PHACTR2: variants seen among roughly 807,000 people sequenced by gnomAD.
PHACTR2 encodes chromosome 6 open reading frame 56.
Under a neutral mutation model 76.0 loss-of-function variants are expected in PHACTR2, and 30 were observed. That is an observed-to-expected ratio of 0.39 (90% confidence interval 0.30 to 0.54). The LOEUF (loss-of-function observed/expected upper bound fraction) is 0.54, where lower values mean the gene tolerates loss of function less well. PHACTR2 is among the 20% of genes least tolerant of loss of function. The pLI is 0.61. For synonymous variants in PHACTR2, 292 were observed against 292.5 expected, an observed-to-expected ratio of 1.00 and a Z score of 0.02; for missense variants, 696 against 781.1, an observed-to-expected ratio of 0.89 and a Z score of 1.30.
At chr6:143,796,464 A>C (rs188782439) in intron 11 of PHACTR2, among the ~76,000 whole-genome samples, 75 of 150,960 alleles carry the variant, frequency 5.0e-4, no homozygotes, top group African/African-American at 1.8e-3. Flanking sequence ...CAGAACGTGT[A>C]GGTTTGTTAC....
chr6:143,785,486 G>C (rs1372391337), intron 10 of PHACTR2, among the ~76,000 whole-genome samples: 1 of 152,128 alleles, frequency 6.6e-6, no homozygotes, highest in Non-Finnish European at 1.5e-5. Flanking sequence ...CTAGACACAT[G>C]GTGCATGCTG....
chr6:143,690,254 C>T (rs1777614252), intron 1 of PHACTR2, among the ~76,000 whole-genome samples: 1 of 152,224 alleles, frequency 6.6e-6, no homozygotes, highest in Non-Finnish European at 1.5e-5. Context: ...TCTTTAAGAG[C>T]TTCATACATA....
Position 143,541,885 on chromosome 6 carries a change from T to C in PHACTR2, c.217+4678T>C, listed in dbSNP as rs577009683. Among the ~76,000 whole-genome samples, 26 of 152,318 alleles carry C rather than the reference T, an allele frequency of 1.7e-4. No individual in the cohort carries two copies. Among genetic ancestry groups the C allele is most frequent in the Admixed American group, 8.5e-4 (13 of 15,306 alleles). ...TACTGACCTCCAAGGTTGTAACTCTTTGAGTTGATGCTTTGTGCTCCGAAA... is the reference window on the plus strand; with the variant it reads ...TACTGACCTCCAAGGTTGTAACTCTCTGAGTTGATGCTTTGTGCTCCGAAA... On this transcript the variant is annotated intron_variant, in intron 1 of 11. Transcript: ENST00000367584. The surrounding 1 kb of genome is among the most constrained non-coding windows in gnomAD (Gnocchi z 5.3).
At chr6:143,781,284 T>A (rs776453995) in intron 9 of PHACTR2, among the ~76,000 whole-genome samples, 3 of 152,206 alleles carry the variant, frequency 2.0e-5, no homozygotes, top group Non-Finnish European at 4.4e-5. Flanking sequence ...GCCCTTCTCT[T>A]TTTAGACATC....
chr6:143,817,177 A>G (rs1776314732), intron 12 of PHACTR2, among the ~76,000 whole-genome samples: 1 of 151,852 alleles, frequency 6.6e-6, no homozygotes, highest in Non-Finnish European at 1.5e-5. Context: ...ACCAATGGAG[A>G]GAGAAAACAT....
chr6:143,737,356 G>A (rs1371132620), intron 2 of PHACTR2, among the ~76,000 whole-genome samples: 2 of 151,364 alleles, frequency 1.3e-5, no homozygotes, highest in Non-Finnish European at 2.9e-5. Flanking sequence ...GGGTGGTCTC[G>A]AACTCTGGGC....
intron 2 of PHACTR2, among the ~76,000 whole-genome samples, chr6:143,721,082 A>T (rs1778432524): frequency 6.6e-6 from 1 of 152,230 alleles, no homozygotes; most frequent in South Asian, 2.1e-4. Flanking sequence ...CTGACCCACC[A>T]TCAAACCAAA....
At chr6:143,655,829 G>A (rs1776840536) in intron 1 of PHACTR2, among the ~76,000 whole-genome samples, 1 of 152,170 alleles carries the variant, frequency 6.6e-6, no homozygotes. Flanking sequence ...TTAGTAAAAT[G>A]TCCTCAGTTT....
intron 2 of PHACTR2, among the ~76,000 whole-genome samples, chr6:143,727,510 A>G (rs923817086): frequency 1.3e-5 from 2 of 152,014 alleles, no homozygotes; most frequent in African/African-American, 4.8e-5. Flanking sequence ...TGGTGGCTCT[A>G]TTTTTAGTTT....
intron 1 of PHACTR2, among the ~76,000 whole-genome samples, chr6:143,586,238 A>G (rs1001434648): frequency 2.0e-5 from 3 of 152,238 alleles, no homozygotes; most frequent in Non-Finnish European, 2.9e-5. Flanking sequence ...AGAGGGTTGT[A>G]ACTAATAGTC....
At position 143,591,449 on chromosome 6, in the gene PHACTR2, T is replaced by G. The variant is rs9321925; in HGVS notation, c.217+54242T>G. ...ATCAAGTTCCCTGTTCCACAGCTTG[T>G]TACAGGAGCAGAGAAAGAGCATATG... On this transcript the variant is annotated intron_variant, in intron 1 of 11. Coordinates refer to the PHACTR2 transcript ENST00000367584. This position sits in a 1 kb window ranked among gnomAD's most constrained non-coding sequence, Gnocchi z 6.4. 0.43 allele frequency among the ~76,000 whole-genome samples: 64,536 copies of G among 151,588 alleles called. 13,999 individuals are homozygous for G. The highest frequency in any genetic ancestry group is 0.46 in the African/African-American group (19,097 of 41,288).
At position 143,696,561 on chromosome 6, in the gene PHACTR2, G is replaced by A. The variant is rs1777773912; in HGVS notation, c.47-15455G>A. Among the ~76,000 whole-genome samples the A allele has an allele frequency of 6.6e-6, 1 of 152,098 alleles. No homozygotes were observed. The highest frequency in any genetic ancestry group is 6.5e-5 in the Admixed American group (1 of 15,270). On this transcript the variant is annotated intron_variant, in intron 1 of 12. Coordinates refer to ENST00000440869, the MANE Select transcript of PHACTR2 (RefSeq NM_001100164.2). This position sits in a 1 kb window ranked among gnomAD's most constrained non-coding sequence, Gnocchi z 4.1. ...ACAGATGAGGAAGGGACTCTGAAAG[G>A]TTGAATTACAGACCTAAGGTTACCA...
At chr6:143,655,477 A>C (rs1776833788) in intron 1 of PHACTR2, among the ~76,000 whole-genome samples, 3 of 152,256 alleles carry the variant, frequency 2.0e-5, no homozygotes, top group Admixed American at 2.0e-4. Flanking sequence ...TATGTGGATT[A>C]TATTTCAATA....
rs560757988 is a variant in PHACTR2 at position 143,548,659 on chromosome 6, G to C, written c.217+11452G>C. ...AGAGCACAGTTCCTCGATGAGAGGT[G>C]GGGGACTGGGAAAACACAACAAAAG... On this transcript the variant is annotated intron_variant, in intron 1 of 11. Coordinates refer to the PHACTR2 transcript ENST00000367584. The surrounding 1 kb of genome is among the most constrained non-coding windows in gnomAD (Gnocchi z 4.5). Among the ~76,000 whole-genome samples the C allele has an allele frequency of 2.6e-5, 4 of 152,084 alleles. No individual in the cohort carries two copies. Among genetic ancestry groups the C allele is most frequent in the African/African-American group, 9.6e-5 (4 of 41,518 alleles).
At chr6:143,544,228 C>T (rs1273355772) in intron 1 of PHACTR2, among the ~76,000 whole-genome samples, 1 of 126,668 alleles carries the variant, frequency 7.9e-6, no homozygotes, top group Non-Finnish European at 1.6e-5. Flanking sequence ...GACCTTCATT[C>T]CAGGAGGGAG....
In PHACTR2 at chr6:143,662,472, A is replaced by G. The variant is rs1334968014; in HGVS notation, c.14-49544A>G. Among the ~76,000 whole-genome samples, 1 of 152,196 alleles carries G rather than the reference A, an allele frequency of 6.6e-6. No homozygotes were observed. Among genetic ancestry groups the G allele is most frequent in the African/African-American group, 2.4e-5 (1 of 41,452 alleles). ...GTACTACAAATAAAAAATATTACAGATATCTATTTACTCTTCAGAAAGTAA... is the reference window on the plus strand; with the variant it reads ...GTACTACAAATAAAAAATATTACAGGTATCTATTTACTCTTCAGAAAGTAA... On this transcript the variant is annotated intron_variant, in intron 1 of 11. Transcript: ENST00000305766. The surrounding 1 kb of genome is among the most constrained non-coding windows in gnomAD (Gnocchi z 4.7).
chr6:143,540,531 G>A (rs1165497745), intron 1 of PHACTR2, among the ~76,000 whole-genome samples: 2 of 152,124 alleles, frequency 1.3e-5, no homozygotes, highest in Non-Finnish European at 2.9e-5. Context: ...GACCTGTTCT[G>A]TGCTAGCACT....
chr6:143,770,945 ATGG>A (rs1775086283), intron 6 of PHACTR2, among the ~76,000 whole-genome samples: 1 of 122,574 alleles, frequency 8.2e-6, no homozygotes, highest in Non-Finnish European at 1.6e-5. Context: ...TTTTTTTGAG[ATGG>A]AGTCTCGCTC....
chr6:143,640,950 A>G (rs1293879147), intron 1 of PHACTR2, among the ~76,000 whole-genome samples: 2 of 152,202 alleles, frequency 1.3e-5, no homozygotes, highest in Non-Finnish European at 2.9e-5. Flanking sequence ...AAGAGAAGGC[A>G]TGTGTCTTAG....
Sources: allele counts gnomAD v4.1 joint callset (sites outside exome capture counted in the v4.1 genomes callset), GRCh38; gene constraint gnomAD v4.1.1; non-coding constraint Gnocchi (gnomAD v3.1); transcripts MANE v1.5; gene names NCBI Gene and HGNC (gene_info 2026-07-23, HGNC 2026-07-21).